Variants in CDR2L observed in about 807,000 individuals in gnomAD.
CDR2L encodes the protein cerebellar degeneration related protein 2 like.
CDR2L carries 19 observed loss-of-function variants against 36.1 expected under a neutral mutation model. The observed-to-expected ratio is 0.53, with a 90% CI of 0.37 to 0.77. The LOEUF (loss-of-function observed/expected upper bound fraction) is 0.77. Ranked by LOEUF, CDR2L falls within the 30% of genes least tolerant of loss-of-function variation. CDR2L has a pLI of 0.00. For synonymous variants in CDR2L, 285 were observed against 280.4 expected (o/e 1.02, Z -0.16); for missense variants, 575 against 627.2 (o/e 0.92, Z 0.89).
rs2039893369 is a variant in CDR2L, at chr17:75,004,790, G to GC, written c.*717dup. 3 of 152,994 alleles carry GC rather than the reference G, an allele frequency of 2.0e-5. No individual in the cohort carries two copies. The South Asian group carries it at 6.2e-4, about 32-fold the overall frequency. 9.5% of individuals were successfully genotyped at this position (152,994 alleles called of 1,614,324 possible). A position where few individuals can be genotyped will look rare whatever the true frequency, so the allele number is the denominator to read the frequency against. On this transcript the variant is annotated 3_prime_UTR_variant, in exon 5 of 5. Transcript: ENST00000337231. Reference sequence around the variant, plus strand: ...GAGGAGGAGGAGAAGGAGCCCCTCAGCAGAGTGGTGCAGTTTCGCTCAGAG... The same window carrying GC: ...GAGGAGGAGGAGAAGGAGCCCCTCAGCCAGAGTGGTGCAGTTTCGCTCAGAG...
rs1476571102 is a variant in CDR2L at position 75,001,445 on chromosome 17, C to T, written c.297C>T (p.His99=). 6.2e-7 allele frequency: 1 copy of T among 1,601,426 alleles called. No homozygotes were observed. Among genetic ancestry groups the T allele is most frequent in the East Asian group, 2.3e-5 (1 of 44,422 alleles). The change falls in exon 3 of 5, where the codon CAC becomes CAT. Residue 99 remains histidine (H), a synonymous_variant. Coordinates refer to ENST00000337231, the MANE Select transcript of CDR2L (RefSeq NM_014603.3). ...LTARDLELTN[H]RLVLESKAAQ... Reference sequence around the variant, plus strand: ...CCCGGGACCTGGAGCTGACCAACCACAGGCTGGTGCTGGAGAGTAAGGCTG... The same window carrying T: ...CCCGGGACCTGGAGCTGACCAACCATAGGCTGGTGCTGGAGAGTAAGGCTG...
chr17:74,991,194 G>T (rs2039794500), intron 1 of CDR2L, among the ~76,000 whole-genome samples: 1 of 146,844 alleles, frequency 6.8e-6, no homozygotes, highest in African/African-American at 2.5e-5. Flanking sequence ...CCTGAGGTCG[G>T]GAGTTCGAGA....
At position 75,003,915 on chromosome 17, in the gene CDR2L, A is replaced by G. The variant is rs1186264615; in HGVS notation, c.1239A>G (p.Ala413=). ...GGEEGQGEVK[A]GEKSLSQHVE... ...AGGAGGGCCAGGGTGAGGTCAAGGC[A>G]GGAGAGAAGAGCCTGAGCCAGCACG... The change falls in exon 5 of 5, where the codon GCA becomes GCG. Residue 413 remains alanine (A), a synonymous_variant. Transcript: ENST00000337231. 1.9e-6 allele frequency: 3 copies of G among 1,610,338 alleles called. No individual in the cohort carries two copies. The highest frequency in any genetic ancestry group is 2.2e-5 in the East Asian group (1 of 44,704).
At position 74,991,971 on chromosome 17, in the gene CDR2L, C is replaced by T. The variant is rs150595037; in HGVS notation, c.79+3849C>T. ...CAACGGGAGGGAGGTCCTGCCTCCACCCTGGTTACCCCAAAGGTGACCTGA... is the reference window on the plus strand; with the variant it reads ...CAACGGGAGGGAGGTCCTGCCTCCATCCTGGTTACCCCAAAGGTGACCTGA... On this transcript the variant is annotated intron_variant, in intron 1 of 4. Coordinates refer to ENST00000337231, the MANE Select transcript of CDR2L (RefSeq NM_014603.3). Among the ~76,000 whole-genome samples, 202 of 152,274 alleles carry T rather than the reference C, an allele frequency of 1.3e-3. 1 individual carries two copies. Among genetic ancestry groups the T allele is most frequent in the African/African-American group, 4.5e-3 (188 of 41,538 alleles).
In CDR2L at chr17:75,003,444, G is replaced by GA; in HGVS notation, c.769dup (p.Met257AsnfsTer28). ...AGGCCGAGCTGCTGGAGCTGCAGCA[G>GA]ATGAAGCAGGCCAAGACCTACCTAC... On this transcript the variant is annotated frameshift_variant, in exon 5 of 5. Coordinates refer to ENST00000337231, the MANE Select transcript of CDR2L (RefSeq NM_014603.3). LOFTEE classifies it high-confidence loss of function. The GA allele has an allele frequency of 6.3e-7, 1 of 1,578,178 alleles. No individual in the cohort carries two copies. The highest frequency in any genetic ancestry group is 8.6e-7 in the Non-Finnish European group (1 of 1,163,144).
In CDR2L at chr17:75,002,098, G is replaced by A. The variant is rs1337582237; in HGVS notation, c.376G>A (p.Val126Met). The A allele has an allele frequency of 1.2e-6, 2 of 1,600,978 alleles. No individual in the cohort carries two copies. Among genetic ancestry groups the A allele is most frequent in the Non-Finnish European group, 1.7e-6 (2 of 1,174,910 alleles). Residue 126 changes from valine (V) to methionine (M), a missense_variant, in exon 4 of 5, where the codon GTG (valine) becomes ATG (methionine). Transcript: ENST00000337231. This position sits in a 1 kb window ranked among gnomAD's most constrained non-coding sequence, Gnocchi z 4.1. ...TETIERLQAQ[V>M]EELQAQVEQL... The stretch of plus-strand genomic sequence containing the variant: ...GACCATTGAGCGCCTCCAGGCTCAG[G>A]TGGAGGAGCTGCAGGCCCAGGTGGA...
At chr17:75,000,261 C>T (rs1312351099) in intron 2 of CDR2L, among the ~76,000 whole-genome samples, 1 of 151,838 alleles carries the variant, frequency 6.6e-6, no homozygotes, top group Non-Finnish European at 1.5e-5. Flanking sequence ...GGCAACAGAG[C>T]GAGACCCTGT....
intron 2 of CDR2L, among the ~76,000 whole-genome samples, chr17:75,000,872 C>T (rs925177035): frequency 2.0e-5 from 3 of 150,616 alleles, no homozygotes; most frequent in Admixed American, 1.3e-4. Flanking sequence ...GAGCCGATGT[C>T]GCGCCACTGC....
At chr17:75,000,664 T>C (rs1362561090) in intron 2 of CDR2L, among the ~76,000 whole-genome samples, 30 of 145,454 alleles carry the variant, frequency 2.1e-4, no homozygotes, top group African/African-American at 6.8e-4. Flanking sequence ...CCTGTAATCC[T>C]AGCACTTTGA....
At chr17:74,997,917 G>GT (rs2039840420) in intron 1 of CDR2L, among the ~76,000 whole-genome samples, 1 of 68,290 alleles carries the variant, frequency 1.5e-5, no homozygotes, top group East Asian at 6.0e-4. Flanking sequence ...GATTTTAGAA[G>GT]TTAAAAAAAA....
chr17:74,992,323 C>T (rs1019331708), intron 1 of CDR2L, among the ~76,000 whole-genome samples: 1 of 151,920 alleles, frequency 6.6e-6, no homozygotes, highest in African/African-American at 2.4e-5. Context: ...CCCTGGGGTC[C>T]AGGCAGGGGA....
Position 75,001,487 on chromosome 17 carries a change from T to G in CDR2L, c.339T>G (p.His113Gln). 6.4e-7 allele frequency: 1 copy of G among 1,559,104 alleles called. No individual in the cohort carries two copies. The highest frequency in any genetic ancestry group is 2.4e-5 in the East Asian group (1 of 42,412). The change falls in exon 3 of 5, where the codon CAT (histidine) becomes CAG (glutamine). Residue 113 changes from histidine (H) to glutamine (Q), a missense_variant and splice_region_variant. His to Gln is a conservative substitution (Grantham distance 24). Coordinates refer to ENST00000337231, the MANE Select transcript of CDR2L (RefSeq NM_014603.3). The stretch of plus-strand genomic sequence containing the variant: ...GTAAGGCTGCCCAGCAGAAGATCCA[T>G]GGGTGAGGGCCCGGCTGAGGGCTGG... ...LESKAAQQKI[H>Q]GLTETIERLQ...
chr17:74,991,814 A>G (rs996845735), intron 1 of CDR2L, among the ~76,000 whole-genome samples: 130 of 152,316 alleles, frequency 8.5e-4, no homozygotes, highest in African/African-American at 3.0e-3. Flanking sequence ...CAGGCGTGGC[A>G]GGCCCTGTGC....
At chr17:74,993,903 G>A (rs553328576) in intron 1 of CDR2L, among the ~76,000 whole-genome samples, 154 of 152,276 alleles carry the variant, frequency 1.0e-3, no homozygotes, top group African/African-American at 3.3e-3. Context: ...ATCAGACTCC[G>A]GATTTGTTCC....
intron 1 of CDR2L, among the ~76,000 whole-genome samples, chr17:74,995,813 G>C (rs2039821436): frequency 1.3e-5 from 2 of 152,118 alleles, no homozygotes; most frequent in Non-Finnish European, 2.9e-5. Flanking sequence ...TAAATCACCA[G>C]TTTTTAACCT....
At chr17:75,003,059 C>T in intron 4 of CDR2L, 124 bp from the exon 5 acceptor site, 2 of 1,049,430 alleles carry the variant, frequency 1.9e-6, no homozygotes, top group South Asian at 1.6e-5. Flanking sequence ...GAGGGGCAAA[C>T]AATTTCAGCC....
chr17:75,001,826 A>T (rs894768501), intron 3 of CDR2L, among the ~76,000 whole-genome samples: 3 of 152,192 alleles, frequency 2.0e-5, no homozygotes, highest in African/African-American at 7.2e-5. Context: ...TAGAGGAGTG[A>T]CAAGGAACTG....
chr17:75,003,896 G>T lies in CDR2L; in HGVS notation c.1220G>T (p.Gly407Val). Residue 407 changes from glycine (G) to valine (V), a missense_variant, in exon 5 of 5, where the codon GGC becomes GTC. Transcript: ENST00000337231. The part of the protein sequence containing the change: ...SWRDLRGGEE[G>V]QGEVKAGEKS... ...AGGGACCTGCGCGGGGGTGAGGAGG[G>T]CCAGGGTGAGGTCAAGGCAGGAGAG... 6.2e-7 allele frequency: 1 copy of T among 1,607,340 alleles called. No homozygotes were observed.
chr17:75,002,206 A>G lies in CDR2L; in HGVS notation c.484A>G (p.Lys162Glu), dbSNP rs1168077841. 6.2e-7 allele frequency: 1 copy of G among 1,609,966 alleles called. No homozygotes were observed. Among genetic ancestry groups the G allele is most frequent in the African/African-American group, 1.3e-5 (1 of 74,954 alleles). Residue 162 changes from lysine to glutamate, a missense_variant, in exon 4 of 5, where the codon AAG becomes GAG. Coordinates refer to ENST00000337231, the MANE Select transcript of CDR2L (RefSeq NM_014603.3). This position sits in a 1 kb window ranked among gnomAD's most constrained non-coding sequence, Gnocchi z 4.1. Reference protein sequence around the residue: ...RRTIHTFPCLKELCTSPRCKD... With the variant: ...RRTIHTFPCLEELCTSPRCKD... ...TACCATCCACACCTTCCCCTGCCTCAAGGAGCTGTGCACCAGCCCCCGGTA... is the reference window on the plus strand; with the variant it reads ...TACCATCCACACCTTCCCCTGCCTCGAGGAGCTGTGCACCAGCCCCCGGTA...
Sources: gnomAD v4.1 joint callset for allele counts (sites outside exome capture counted in the v4.1 genomes callset) on GRCh38, gnomAD v4.1.1 for gene constraint, Gnocchi (gnomAD v3.1) non-coding constraint, MANE v1.5 for transcripts, NCBI Gene and HGNC (gene_info 2026-07-23, HGNC 2026-07-21) for gene names.